Variants in MEIS2 observed in about 807,000 individuals in gnomAD.
The protein encoded by MEIS2 is Meis homeobox 2.
In MEIS2, 9 loss-of-function variants were observed where a neutral mutation model predicts 58.6. That is an observed-to-expected ratio of 0.15 (90% CI 0.09 to 0.27). The LOEUF is 0.27. Ranked by LOEUF, MEIS2 falls within the 10% of genes least tolerant of loss-of-function variation. MEIS2 has a pLI of 1.00. For missense variants in MEIS2, 427 were observed against 635.0 expected (o/e 0.67, Z 3.52); for synonymous variants, 221 against 228.4 (o/e 0.97, Z 0.29).
chr15:36,941,175 A>G (rs2058360623), intron 9 of MEIS2, among the ~76,000 whole-genome samples: 2 of 152,152 alleles, frequency 1.3e-5, no homozygotes, highest in Admixed American at 1.3e-4. Context: ...CACAGATCCA[A>G]GACTATCAGG....
chr15:36,983,801 G>A (rs1317469543), intron 8 of MEIS2, among the ~76,000 whole-genome samples: 1 of 151,972 alleles, frequency 6.6e-6, no homozygotes, highest in Non-Finnish European at 1.5e-5. Flanking sequence ...CCATTTATTT[G>A]TGATTTTGTC....
intron 9 of MEIS2, among the ~76,000 whole-genome samples, chr15:36,926,935 G>T (rs2057771687): frequency 6.6e-6 from 1 of 152,082 alleles, no homozygotes; most frequent in African/African-American, 2.4e-5. Context: ...TATGTAAACG[G>T]ATATCTCAAG....
At chr15:36,995,010 T>C (rs1378236850) in intron 8 of MEIS2, among the ~76,000 whole-genome samples, 1 of 152,196 alleles carries the variant, frequency 6.6e-6, no homozygotes, top group Non-Finnish European at 1.5e-5. Flanking sequence ...TTCAATGCAT[T>C]ATCTCGCCTT....
intron 8 of MEIS2, among the ~76,000 whole-genome samples, chr15:37,016,886 T>A (rs1321362144): frequency 6.6e-6 from 1 of 152,246 alleles, no homozygotes; most frequent in African/African-American, 2.4e-5. Context: ...ACACACTCTA[T>A]AAAAAGGTTG....
At chr15:37,015,590 G>T (rs2061324610) in intron 8 of MEIS2, among the ~76,000 whole-genome samples, 1 of 144,774 alleles carries the variant, frequency 6.9e-6, no homozygotes, top group Non-Finnish European at 1.5e-5. Flanking sequence ...TGAGGTGGGG[G>T]AAGTGTGGGG....
intron 8 of MEIS2, among the ~76,000 whole-genome samples, chr15:37,002,506 T>C (rs1290364336): frequency 1.3e-5 from 2 of 152,188 alleles, no homozygotes; most frequent in Non-Finnish European, 2.9e-5. Context: ...GACTCATCTT[T>C]GCATCCTCCT....
chr15:36,944,659 A>G (rs1454360431), intron 9 of MEIS2, among the ~76,000 whole-genome samples: 4 of 152,134 alleles, frequency 2.6e-5, no homozygotes, highest in African/African-American at 9.7e-5. Context: ...AATGCTGACA[A>G]TGAATCTAGC....
At chr15:37,071,255 A>G (rs539729329) in intron 7 of MEIS2, among the ~76,000 whole-genome samples, 56 of 152,276 alleles carry the variant, frequency 3.7e-4, no homozygotes, top group East Asian at 1.4e-3. Context: ...CTTACAGTCA[A>G]GCAAGATAAT....
chr15:36,928,365 G>C lies in MEIS2; in HGVS notation c.977+21959C>G, dbSNP rs139265371. Among the ~76,000 whole-genome samples the C allele has an allele frequency of 4.7e-3, 709 of 152,236 alleles. 6 individuals are homozygous for C. Among genetic ancestry groups the C allele is most frequent in the Non-Finnish European group, 8.3e-3 (562 of 68,006 alleles). The stretch of plus-strand genomic sequence containing the variant: ...TTACTTTTTGGAGCTCCTACCAACT[G>C]TCATACAGTTCTCACAGTAATATTC... On this transcript the variant is annotated intron_variant, in intron 9 of 11. Coordinates refer to ENST00000561208, the MANE Select transcript of MEIS2 (RefSeq NM_170675.5).
intron 8 of MEIS2, among the ~76,000 whole-genome samples, chr15:36,955,085 T>A (rs2058910248): frequency 3.3e-5 from 5 of 152,234 alleles, no homozygotes; most frequent in Admixed American, 3.3e-4. Context: ...AATAAACGCA[T>A]CTTCCTGGAA....
intron 9 of MEIS2, among the ~76,000 whole-genome samples, chr15:36,930,232 AG>A (rs1170523159): frequency 3.1e-4 from 47 of 149,810 alleles, no homozygotes; most frequent in African/African-American, 1.1e-3. Flanking sequence ...AGAGAGAGAG[AG>A]AAAAAAAAAG....
chr15:36,919,028 G>A (rs2057390986), intron 9 of MEIS2, among the ~76,000 whole-genome samples: 1 of 152,012 alleles, frequency 6.6e-6, no homozygotes, highest in Admixed American at 6.6e-5. Flanking sequence ...GAGGCCTAGA[G>A]GCAGGAGGAT....
chr15:37,001,153 G>A (rs2060713390), intron 8 of MEIS2, among the ~76,000 whole-genome samples: 1 of 152,334 alleles, frequency 6.6e-6, no homozygotes, highest in South Asian at 2.1e-4. Flanking sequence ...CAGGCTTCAA[G>A]TAATCTTTCA....
intron 8 of MEIS2, among the ~76,000 whole-genome samples, chr15:36,982,399 T>C (rs2059957396): frequency 6.6e-6 from 1 of 152,176 alleles, no homozygotes; most frequent in Admixed American, 6.5e-5. Context: ...GACCATGCAA[T>C]ATTTGTTTTT....
intron 8 of MEIS2, among the ~76,000 whole-genome samples, chr15:37,021,773 A>G (rs2061533872): frequency 6.6e-6 from 1 of 152,196 alleles, no homozygotes; most frequent in South Asian, 2.1e-4. Flanking sequence ...ACTTTCTAAT[A>G]TAAAAAGTAA....
At chr15:37,037,021 G>A in intron 7 of MEIS2, 62 bp from the exon 8 acceptor site, 11 of 1,488,974 alleles carry the variant, frequency 7.4e-6, no homozygotes, top group Non-Finnish European at 1.0e-5. Context: ...AACAAGTGCA[G>A]CTAATGATGA....
chr15:37,076,827 C>T (rs967078960), intron 7 of MEIS2, among the ~76,000 whole-genome samples: 1 of 152,012 alleles, frequency 6.6e-6, no homozygotes, highest in East Asian at 1.9e-4. Flanking sequence ...CCAGTTCAGG[C>T]TTATGCAAAT....
At chr15:36,912,000 C>G (rs1035495188) in intron 9 of MEIS2, among the ~76,000 whole-genome samples, 1 of 152,170 alleles carries the variant, frequency 6.6e-6, no homozygotes. Flanking sequence ...ACTTATTTAA[C>G]CTTTTATTCA....
At chr15:36,944,762 T>C (rs937869060) in intron 9 of MEIS2, among the ~76,000 whole-genome samples, 1 of 152,114 alleles carries the variant, frequency 6.6e-6, no homozygotes, top group African/African-American at 2.4e-5. Flanking sequence ...AGCTATGCGT[T>C]TAACAAATGG....
Sources: allele counts gnomAD v4.1 joint callset (sites outside exome capture counted in the v4.1 genomes callset), GRCh38; gene constraint gnomAD v4.1.1; transcripts MANE v1.5; gene names NCBI Gene and HGNC (gene_info 2026-07-23, HGNC 2026-07-21).